Variants in NEIL3 observed in about 807,000 individuals in gnomAD.
The protein encoded by NEIL3 is nei like DNA glycosylase 3.
Under a neutral mutation model 57.5 loss-of-function variants are expected in NEIL3, and 48 were observed. The ratio of observed to expected loss-of-function variants is 0.83; its 90% confidence interval spans 0.66 to 1.06. The LOEUF is 1.06. NEIL3 is among the 50% of genes least tolerant of loss of function. NEIL3 has a pLI of 0.00. For missense variants in NEIL3, 717 were observed against 739.1 expected, an observed-to-expected ratio of 0.97 and a Z score of 0.35; for synonymous variants, 261 against 253.2, an observed-to-expected ratio of 1.03 and a Z score of -0.29.
rs370241790 is a variant in NEIL3, at chr4:177,313,010, C to A, written c.156+2901C>A. On this transcript the variant is annotated intron_variant, in intron 1 of 9. Transcript: ENST00000264596. Reference sequence around the variant, plus strand: ...ACTGTAGCAGATGATCCCATGTCTCCTAGGCATTTATGCCAAAGAGTTAAA... The same window carrying A: ...ACTGTAGCAGATGATCCCATGTCTCATAGGCATTTATGCCAAAGAGTTAAA... 5.4e-4 allele frequency among the ~76,000 whole-genome samples: 83 copies of A among 152,320 alleles called. 1 individual carries two copies. The highest frequency in any genetic ancestry group is 1.8e-3 in the African/African-American group (76 of 41,572).
rs749430879 is a variant in NEIL3 at position 177,351,206 on chromosome 4, C to CAA, written c.870-143_870-142dup. ...ATGACAGAGCAAGACCCCATCTCTA[C>CAA]AAAAAAAAAAAAAAAAAAAAAAAAA... On this transcript the variant is annotated intron_variant, in intron 6 of 9. Transcript: ENST00000264596. Among the ~76,000 whole-genome samples, 377 of 58,534 alleles carry CAA rather than the reference C, an allele frequency of 6.4e-3. 43 individuals are homozygous for CAA. The highest frequency in any genetic ancestry group is 0.014 in the East Asian group (18 of 1,250). The allele number at this position is 58,534 out of a possible 152,430, so 38.4% of individuals were successfully genotyped here.
chr4:177,333,941 G>A (rs1734928896), intron 2 of NEIL3, among the ~76,000 whole-genome samples: 1 of 152,100 alleles, frequency 6.6e-6, no homozygotes, highest in Non-Finnish European at 1.5e-5. Flanking sequence ...CCTTGGACCA[G>A]GCAACTGTGG....
downstream of NEIL3, among the ~76,000 whole-genome samples, chr4:177,363,476 AG>A (rs36048671): frequency 6.0e-3 from 915 of 152,342 alleles, 42 homozygotes; most frequent in East Asian, 0.12. Context: ...ATTGCTCAAC[AG>A]GGCAGTGACT....
At position 177,324,075 on chromosome 4, in the gene NEIL3, C is replaced by T. The variant is rs36126294; in HGVS notation, c.278+1495C>T. On this transcript the variant is annotated intron_variant, in intron 2 of 9. Coordinates refer to ENST00000264596, the MANE Select transcript of NEIL3 (RefSeq NM_018248.3). ...GGAATCTGAACCTAAAATCATTTGC[C>T]CCTCTTTTCACAATGTAACAGAAGT... Among the ~76,000 whole-genome samples the T allele has an allele frequency of 8.8e-3, 1,332 of 152,200 alleles. 18 individuals are homozygous for T. The highest frequency in any genetic ancestry group is 0.03 in the African/African-American group (1,263 of 41,512).
chr4:177,359,777 A>T (rs1052809757), intron 8 of NEIL3, among the ~76,000 whole-genome samples: 1 of 152,238 alleles, frequency 6.6e-6, no homozygotes, highest in Non-Finnish European at 1.5e-5. Flanking sequence ...TCTTTTCAAG[A>T]AGAAAATTCT....
intron 9 of NEIL3, among the ~76,000 whole-genome samples, chr4:177,361,433 T>C (rs1462864330): frequency 1.3e-5 from 2 of 152,256 alleles, no homozygotes; most frequent in South Asian, 4.1e-4. Context: ...GGTGGACTTT[T>C]TGAAAGATCA....
intron 8 of NEIL3, among the ~76,000 whole-genome samples, chr4:177,358,309 T>A (rs1263495507): frequency 1.3e-5 from 2 of 151,464 alleles, no homozygotes; most frequent in African/African-American, 4.8e-5. Flanking sequence ...TTGTTGTTTT[T>A]TGTTTTTTGT....
chr4:177,315,463 A>C (rs1461735255), intron 1 of NEIL3, among the ~76,000 whole-genome samples: 2 of 152,252 alleles, frequency 1.3e-5, no homozygotes, highest in African/African-American at 4.8e-5. Context: ...CAAATAATAC[A>C]GTAATGGATT....
chr4:177,355,758 C>T lies in NEIL3; in HGVS notation c.1460+2030C>T, dbSNP rs35632663. Among the ~76,000 whole-genome samples the T allele has an allele frequency of 3.8e-3, 583 of 152,264 alleles. 5 individuals are homozygous for T. Among genetic ancestry groups the T allele is most frequent in the African/African-American group, 0.012 (513 of 41,550 alleles). On this transcript the variant is annotated intron_variant, in intron 8 of 9. Transcript: ENST00000264596. ...CCTGTAGGAATCCTTAAGCTTATTT[C>T]ATAACAAATTCTGAGACAGTCTCTG...
intron 6 of NEIL3, among the ~76,000 whole-genome samples, chr4:177,342,465 A>G (rs1735114850): frequency 6.6e-6 from 1 of 152,134 alleles, no homozygotes; most frequent in Admixed American, 6.6e-5. Flanking sequence ...ATGTAGTATA[A>G]AGCAGCTGCA....
At chr4:177,313,065 A>G (rs2090437765) in intron 1 of NEIL3, among the ~76,000 whole-genome samples, 1 of 152,244 alleles carries the variant, frequency 6.6e-6, no homozygotes, top group Non-Finnish European at 1.5e-5. Flanking sequence ...TACTGGCTTG[A>G]AATGATTAGT....
chr4:177,369,161 T>C, the NEIL3 span, among the ~76,000 whole-genome samples: 1 of 152,148 alleles, frequency 6.6e-6, no homozygotes, highest in Non-Finnish European at 1.5e-5. Context: ...AGCAAAGTGC[T>C]AAAGGTTGCA....
intron 1 of NEIL3, among the ~76,000 whole-genome samples, chr4:177,321,839 C>G (rs1345054781): frequency 6.7e-6 from 1 of 150,162 alleles, no homozygotes; most frequent in Non-Finnish European, 1.5e-5. Context: ...AATTGAAGCT[C>G]TCATTCCTTA....
At chr4:177,321,880 T>C (rs1734692593) in intron 1 of NEIL3, among the ~76,000 whole-genome samples, 1 of 152,242 alleles carries the variant, frequency 6.6e-6, no homozygotes, top group Non-Finnish European at 1.5e-5. Flanking sequence ...CTCTCATTCC[T>C]TAGTTTCAAT....
intron 2 of NEIL3, among the ~76,000 whole-genome samples, chr4:177,323,890 A>G (rs1734733264): frequency 6.6e-6 from 1 of 152,158 alleles, no homozygotes; most frequent in African/African-American, 2.4e-5. Flanking sequence ...CTAAACAAGG[A>G]CAATCACTTC....
Position 177,351,371 on chromosome 4 carries a change from A to G in NEIL3, c.870-9A>G. 1.3e-6 allele frequency: 2 copies of G among 1,592,272 alleles called. No homozygotes were observed. Among genetic ancestry groups the G allele is most frequent in the African/African-American group, 2.7e-5 (2 of 74,212 alleles). On this transcript the variant is annotated splice_polypyrimidine_tract_variant and intron_variant, in intron 6 of 9. Transcript: ENST00000264596. ...ATAACAATGATTAATTTTAAAAATT[A>G]TCTTATAGCAAGCTACCGACTAGAA...
At chr4:177,322,929 G>A (rs1470786724) in intron 2 of NEIL3, among the ~76,000 whole-genome samples, 1 of 152,102 alleles carries the variant, frequency 6.6e-6, no homozygotes, top group Non-Finnish European at 1.5e-5. Flanking sequence ...ATTTGTGACA[G>A]GCCCTAGTTT....
rs1578989233 is a variant in NEIL3 at position 177,322,704 on chromosome 4, A to G, written c.278+124A>G. The G allele has an allele frequency of 2.9e-6, 3 of 1,040,958 alleles. No individual in the cohort carries two copies. The African/African-American group carries it at 4.8e-5, about 17-fold the overall frequency. 64.5% of individuals were successfully genotyped at this position (1,040,958 alleles called of 1,614,324 possible). ...AGTACTGTGTTTTTAAGAGAGCTCCAATATGAGAGGTTGTGATTCTATCAT... is the reference window on the plus strand; with the variant it reads ...AGTACTGTGTTTTTAAGAGAGCTCCGATATGAGAGGTTGTGATTCTATCAT... On this transcript the variant is annotated intron_variant, in intron 2 of 9. Coordinates refer to ENST00000264596, the MANE Select transcript of NEIL3 (RefSeq NM_018248.3).
chr4:177,329,388 A>G (rs1169875101), intron 2 of NEIL3, among the ~76,000 whole-genome samples: 1 of 152,226 alleles, frequency 6.6e-6, no homozygotes, highest in Non-Finnish European at 1.5e-5. Flanking sequence ...GCAGGTTAAA[A>G]TAAAAGGATG....
Sources: allele counts gnomAD v4.1 joint callset (sites outside exome capture counted in the v4.1 genomes callset), GRCh38; gene constraint gnomAD v4.1.1; transcripts MANE v1.5; gene names NCBI Gene and HGNC (gene_info 2026-07-23, HGNC 2026-07-21).